Variants in PIK3C2G observed in about 807,000 individuals in gnomAD.
PIK3C2G encodes phosphatidylinositol 3-kinase C2 domain-containing subunit gamma.
A neutral mutation model predicts 181.1 loss-of-function variants in PIK3C2G; 168 were observed. The observed-to-expected ratio is 0.93, with a 90% CI of 0.82 to 1.05. PIK3C2G has a LOEUF of 1.05. Among genes scored for constraint, PIK3C2G ranks in the 50% least tolerant of loss-of-function variants. The pLI is 0.00. For missense variants in PIK3C2G, 1,869 were observed against 1,732.8 expected, an observed-to-expected ratio of 1.08 and a Z score of -1.40; for synonymous variants, 573 against 592.2, an observed-to-expected ratio of 0.97 and a Z score of 0.47.
rs1415721833 is a variant in PIK3C2G at position 18,567,072 on chromosome 12, A to G, written c.4011+15A>G. On this transcript the variant is annotated intron_variant, in intron 29 of 32. Transcript: ENST00000538779. ...AAGTTACAAACGTATGTTATAATTA[A>G]TTTTTCTATTTTTACATAAAACATC... is the stretch of plus-strand genomic sequence containing the variant. 8.9e-7 allele frequency: 1 copy of G among 1,117,944 alleles called. No individual in the cohort carries two copies. Among genetic ancestry groups the G allele is most frequent in the East Asian group, 2.4e-5 (1 of 42,216 alleles). 69.3% of individuals were successfully genotyped at this position (1,117,944 alleles called of 1,614,324 possible).
chr12:18,613,512 T>A (rs1948447973), intron 31 of PIK3C2G, among the ~76,000 whole-genome samples: 1 of 152,066 alleles, frequency 6.6e-6, no homozygotes, highest in Non-Finnish European at 1.5e-5. Flanking sequence ...TTATTTAAAC[T>A]CTTCTTTTAC....
In PIK3C2G at chr12:18,282,191, G is replaced by A. The variant is rs138937926; in HGVS notation, c.110G>A (p.Ser37Asn). Residue 37 changes from serine to asparagine, a missense_variant, in exon 2 of 33, where the codon AGT becomes AAT. Coordinates refer to ENST00000538779, the MANE Select transcript of PIK3C2G (RefSeq NM_001288772.2). Reference sequence around the variant, plus strand: ...CAACCCCATTCTTCTAGCCAAGTCAGTCTGGGTTTTGATCAGATAGTAGAT... The same window carrying A: ...CAACCCCATTCTTCTAGCCAAGTCAATCTGGGTTTTGATCAGATAGTAGAT... ...VNQPHSSSQV[S>N]LGFDQIVDEI... 4 of 1,613,036 alleles carry A rather than the reference G, an allele frequency of 2.5e-6. No homozygotes were observed. The Admixed American group carries it at 5.0e-5, about 20-fold the overall frequency.
chr12:18,392,365 G>A (rs1943590179), intron 15 of PIK3C2G, among the ~76,000 whole-genome samples: 1 of 152,030 alleles, frequency 6.6e-6, no homozygotes. Flanking sequence ...TTTCTTTTGA[G>A]TAATCTTGCT....
chr12:18,321,650 G>T (rs1303918246), intron 7 of PIK3C2G, among the ~76,000 whole-genome samples: 2 of 152,060 alleles, frequency 1.3e-5, no homozygotes, highest in Non-Finnish European at 2.9e-5. Flanking sequence ...CTAAAGTAAA[G>T]GCTGATATAA....
At chr12:18,526,067 A>G (rs1943215540) in intron 24 of PIK3C2G, among the ~76,000 whole-genome samples, 1 of 152,160 alleles carries the variant, frequency 6.6e-6, no homozygotes, top group African/African-American at 2.4e-5. Context: ...GATTTTTTTA[A>G]AAGTTAATTT....
chr12:18,459,518 T>C (rs1407935805), intron 18 of PIK3C2G, among the ~76,000 whole-genome samples: 1 of 152,224 alleles, frequency 6.6e-6, no homozygotes, highest in African/African-American at 2.4e-5. Flanking sequence ...TCAATCCCTG[T>C]GAATGTGTAG....
At chr12:18,328,617 T>C (rs1351709264) in intron 8 of PIK3C2G, among the ~76,000 whole-genome samples, 1 of 151,984 alleles carries the variant, frequency 6.6e-6, no homozygotes, top group Non-Finnish European at 1.5e-5. Flanking sequence ...GGAAGTTTTG[T>C]ATTCGACCTT....
intron 18 of PIK3C2G, among the ~76,000 whole-genome samples, chr12:18,431,754 A>T (rs1946169666): frequency 6.6e-6 from 1 of 152,190 alleles, no homozygotes; most frequent in African/African-American, 2.4e-5. Context: ...TTACCTTTAC[A>T]ATGTAATAAA....
chr12:18,724,507 T>C, the PIK3C2G span, among the ~76,000 whole-genome samples: 2 of 152,134 alleles, frequency 1.3e-5, no homozygotes, highest in African/African-American at 2.4e-5. Flanking sequence ...TGTAAACAGC[T>C]TGAATGCAAG....
chr12:18,477,784 C>T (rs1320021171), intron 18 of PIK3C2G, among the ~76,000 whole-genome samples: 2 of 152,114 alleles, frequency 1.3e-5, no homozygotes, highest in Non-Finnish European at 2.9e-5. Flanking sequence ...GGAGAAGCAC[C>T]TGCCCCAGCT....
intron 15 of PIK3C2G, among the ~76,000 whole-genome samples, chr12:18,394,658 T>A (rs2138077172): frequency 6.6e-6 from 1 of 152,012 alleles, no homozygotes; most frequent in East Asian, 1.9e-4. Flanking sequence ...AATATTTGTT[T>A]AAAAAATCAG....
intron 22 of PIK3C2G, among the ~76,000 whole-genome samples, chr12:18,498,119 A>G (rs538300780): frequency 3.3e-5 from 5 of 152,300 alleles, no homozygotes; most frequent in African/African-American, 1.2e-4. Flanking sequence ...AAATCTACAC[A>G]TTTTCAAGTG....
At chr12:18,374,464 G>A (rs188997157) in intron 13 of PIK3C2G, among the ~76,000 whole-genome samples, 19 of 152,128 alleles carry the variant, frequency 1.2e-4, no homozygotes, top group Admixed American at 3.9e-4. Context: ...GTCCAAATAC[G>A]TCATTTATAG....
intron 18 of PIK3C2G, among the ~76,000 whole-genome samples, chr12:18,429,968 C>T (rs1339676977): frequency 6.6e-6 from 1 of 152,132 alleles, no homozygotes; most frequent in Non-Finnish European, 1.5e-5. Flanking sequence ...CATTCCAGAG[C>T]CTCCCCATAA....
chr12:18,368,243 G>A (rs990147193), intron 12 of PIK3C2G, among the ~76,000 whole-genome samples: 1 of 152,114 alleles, frequency 6.6e-6, no homozygotes, highest in African/African-American at 2.4e-5. Context: ...ATGCACAATG[G>A]CTGATACAAA....
At chr12:18,591,454 G>A (rs1213137197) in intron 29 of PIK3C2G, among the ~76,000 whole-genome samples, 2 of 151,894 alleles carry the variant, frequency 1.3e-5, no homozygotes, top group African/African-American at 4.8e-5. Flanking sequence ...ATTAACAAGA[G>A]TGAAGAAAAG....
intron 12 of PIK3C2G, among the ~76,000 whole-genome samples, chr12:18,365,347 G>C (rs1941566225): frequency 6.6e-6 from 1 of 152,148 alleles, no homozygotes; most frequent in African/African-American, 2.4e-5. Context: ...CTGCTTTGTA[G>C]TGAAACCTTC....
chr12:18,596,981 T>C (rs2136509552), intron 30 of PIK3C2G, among the ~76,000 whole-genome samples: 1 of 152,288 alleles, frequency 6.6e-6, no homozygotes, highest in East Asian at 1.9e-4. Context: ...GCCATTTTGC[T>C]ATGTTGTATG....
chr12:18,359,182 TC>T (rs1941016008), intron 11 of PIK3C2G, among the ~76,000 whole-genome samples: 1 of 152,226 alleles, frequency 6.6e-6, no homozygotes, highest in South Asian at 2.1e-4. Context: ...TTTGATTTCT[TC>T]TTTGAACTGT....
Sources: gnomAD v4.1 joint callset for allele counts (sites outside exome capture counted in the v4.1 genomes callset) on GRCh38, gnomAD v4.1.1 for gene constraint, MANE v1.5 for transcripts, NCBI Gene and HGNC (gene_info 2026-07-23, HGNC 2026-07-21) for gene names.